Variants in RPH3A observed in about 807,000 individuals in gnomAD.
The protein encoded by RPH3A is rabphilin-3A.
Under a neutral mutation model 102.2 loss-of-function variants are expected in RPH3A, and 48 were observed. That is an observed-to-expected ratio of 0.47 (90% CI 0.37 to 0.60). The LOEUF is 0.60. Ranked by LOEUF, RPH3A falls within the 20% of genes least tolerant of loss-of-function variation. The pLI is 0.00. For missense variants in RPH3A, 781 were observed against 910.1 expected, an observed-to-expected ratio of 0.86 and a Z score of 1.83; for synonymous variants, 310 against 324.3, an observed-to-expected ratio of 0.96 and a Z score of 0.47.
rs371711374 is a variant in RPH3A at position 112,716,373 on chromosome 12, A to G, written c.-139-75770A>G. ...ACTGAATGACTGAATGAAGGAGCAG[A>G]ACAGTATGTTCAGTGAGCATCCATT... On this transcript the variant is annotated intron_variant, in intron 1 of 21. Transcript: ENST00000543106. Among the ~76,000 whole-genome samples the G allele has an allele frequency of 1.5e-3, 230 of 152,328 alleles. 1 individual carries two copies. The highest frequency in any genetic ancestry group is 5.4e-3 in the African/African-American group (225 of 41,586).
chr12:112,621,768 CAAAA>C (rs1256344687), intron 1 of RPH3A, among the ~76,000 whole-genome samples: 1 of 151,914 alleles, frequency 6.6e-6, no homozygotes, highest in Non-Finnish European at 1.5e-5. Flanking sequence ...CACAGACAAA[CAAAA>C]AGACAGCAGT....
At chr12:112,637,500 G>A (rs1035702705) in intron 1 of RPH3A, among the ~76,000 whole-genome samples, 13 of 152,090 alleles carry the variant, frequency 8.5e-5, no homozygotes, top group African/African-American at 1.7e-4. Context: ...GGAGAAATAC[G>A]TTCAGATAAG....
intron 1 of RPH3A, among the ~76,000 whole-genome samples, chr12:112,658,871 G>C (rs1000436985): frequency 1.3e-5 from 2 of 152,130 alleles, no homozygotes; most frequent in African/African-American, 4.8e-5. Context: ...GGCCAACGGC[G>C]CCTCATGGTC....
intron 1 of RPH3A, among the ~76,000 whole-genome samples, chr12:112,601,320 TC>T (rs2039557705): frequency 6.6e-6 from 1 of 152,224 alleles, no homozygotes; most frequent in Non-Finnish European, 1.5e-5. Flanking sequence ...TTGGCTCATT[TC>T]CTAGGACATA....
At position 112,714,487 on chromosome 12, in the gene RPH3A, G is replaced by A. The variant is rs560182319; in HGVS notation, c.-139-77656G>A. ...ACAGAAGAGGCAAAGCCTTGTTTGC[G>A]TTTTGGGTCTACGTCTCTGGGTTGT... On this transcript the variant is annotated intron_variant, in intron 1 of 21. Coordinates refer to the RPH3A transcript ENST00000543106. 5.3e-5 allele frequency among the ~76,000 whole-genome samples: 8 copies of A among 152,272 alleles called. 1 individual carries two copies. The highest frequency in any genetic ancestry group is 3.9e-4 in the East Asian group (2 of 5,180).
At chr12:112,676,696 G>A (rs2040177196) in intron 1 of RPH3A, among the ~76,000 whole-genome samples, 2 of 152,140 alleles carry the variant, frequency 1.3e-5, no homozygotes, top group Admixed American at 6.5e-5. Flanking sequence ...AATTATTCAG[G>A]TACTCTAATG....
At chr12:112,648,088 T>C (rs1458241176) in intron 1 of RPH3A, among the ~76,000 whole-genome samples, 1 of 152,188 alleles carries the variant, frequency 6.6e-6, no homozygotes, top group Non-Finnish European at 1.5e-5. Flanking sequence ...ATTTGGAAAA[T>C]ACAGTTGAGG....
intron 2 of RPH3A, among the ~76,000 whole-genome samples, chr12:112,821,554 T>TC (rs1346680016): frequency 6.6e-6 from 1 of 152,166 alleles, no homozygotes; most frequent in African/African-American, 2.4e-5. Flanking sequence ...TGAAATGCTC[T>TC]CCCCCAGATG....
At chr12:112,603,453 C>G (rs2039572236) in intron 1 of RPH3A, among the ~76,000 whole-genome samples, 1 of 152,112 alleles carries the variant, frequency 6.6e-6, no homozygotes, top group African/African-American at 2.4e-5. Flanking sequence ...ACTCCATAGA[C>G]AGAGTAGGGC....
chr12:112,795,138 T>C (rs1422251989), intron 2 of RPH3A, among the ~76,000 whole-genome samples: 3 of 152,200 alleles, frequency 2.0e-5, no homozygotes, highest in Non-Finnish European at 4.4e-5. Context: ...CTTTGTAGGC[T>C]GTGACATTAT....
intron 1 of RPH3A, among the ~76,000 whole-genome samples, chr12:112,695,398 A>T (rs565505338): frequency 6.6e-6 from 1 of 152,330 alleles, no homozygotes; most frequent in Admixed American, 6.5e-5. Flanking sequence ...AAGCACATTT[A>T]AAAAAATCTT....
chr12:112,815,182 C>T (rs142944526), intron 2 of RPH3A, among the ~76,000 whole-genome samples: 473 of 152,270 alleles, frequency 3.1e-3, no homozygotes, highest in African/African-American at 0.01. Flanking sequence ...TGCTCACACA[C>T]GGGTCAGCCT....
intron 1 of RPH3A, among the ~76,000 whole-genome samples, chr12:112,621,732 T>G: frequency 6.6e-6 from 1 of 152,136 alleles, no homozygotes; most frequent in Non-Finnish European, 1.5e-5. Context: ...TGCCTGCCAC[T>G]GTAGGCTTCA....
At chr12:112,882,992 AC>A (rs2042941495) in intron 15 of RPH3A, among the ~76,000 whole-genome samples, 1 of 152,102 alleles carries the variant, frequency 6.6e-6, no homozygotes, top group Non-Finnish European at 1.5e-5. Flanking sequence ...TGTCTCCCTG[AC>A]CTATAAATGA....
At chr12:112,685,379 A>C (rs550567675) in intron 1 of RPH3A, among the ~76,000 whole-genome samples, 18 of 152,294 alleles carry the variant, frequency 1.2e-4, no homozygotes, top group South Asian at 8.3e-4. Context: ...CAACCATAGC[A>C]GTGGGAGGGA....
At chr12:112,796,821 G>A (rs930689561) in intron 2 of RPH3A, among the ~76,000 whole-genome samples, 1 of 152,156 alleles carries the variant, frequency 6.6e-6, no homozygotes, top group South Asian at 2.1e-4. Context: ...AGGCCAAGGT[G>A]GGTGGATTAC....
At chr12:112,876,926 A>G in intron 13 of RPH3A, 60 bp downstream of exon 13, 2 of 1,361,052 alleles carry the variant, frequency 1.5e-6, no homozygotes, top group Non-Finnish European at 2.0e-6. Flanking sequence ...CAAGCCCAGG[A>G]AAACAGGAAC....
intron 4 of RPH3A, among the ~76,000 whole-genome samples, chr12:112,843,370 G>A (rs2042177898): frequency 6.6e-6 from 1 of 152,208 alleles, no homozygotes; most frequent in African/African-American, 2.4e-5. Context: ...AACACGATGA[G>A]CTGTTTGTCA....
intron 1 of RPH3A, among the ~76,000 whole-genome samples, chr12:112,607,105 G>T (rs1373657889): frequency 6.6e-6 from 1 of 152,182 alleles, no homozygotes; most frequent in Admixed American, 6.5e-5. Context: ...ACCACACACT[G>T]CTACTTATAG....
Sources: gnomAD v4.1 joint callset for allele counts (sites outside exome capture counted in the v4.1 genomes callset) on GRCh38, gnomAD v4.1.1 for gene constraint, MANE v1.5 for transcripts, NCBI Gene and HGNC (gene_info 2026-07-23, HGNC 2026-07-21) for gene names.